The following EXOC4 variants were observed in gnomAD, a reference collection of about 807,000 sequenced individuals.
The protein encoded by EXOC4 is exocyst complex component 4.
EXOC4 carries 71 observed loss-of-function variants against 107.2 expected under a neutral mutation model. The ratio of observed to expected loss-of-function variants is 0.66; its 90% confidence interval spans 0.55 to 0.81. The LOEUF is 0.81. Ranked by LOEUF, EXOC4 falls within the 30% of genes least tolerant of loss-of-function variation. The pLI is 0.00. For synonymous variants in EXOC4, 456 were observed against 441.2 expected (o/e 1.03, Z -0.42); for missense variants, 1,108 against 1,189.6 (o/e 0.93, Z 1.01).
At chr7:133,720,370 C>T (rs1795082463) in intron 10 of EXOC4, among the ~76,000 whole-genome samples, 1 of 152,092 alleles carries the variant, frequency 6.6e-6, no homozygotes, top group Admixed American at 6.6e-5. Context: ...AATCAAGAGA[C>T]TTATTTAATG....
chr7:134,069,216 T>TCTTCTC (rs1279275267), downstream of EXOC4, among the ~76,000 whole-genome samples: 11 of 148,658 alleles, frequency 7.4e-5, no homozygotes, highest in South Asian at 1.7e-3. Context: ...TTCTTCTTCT[T>TCTTCTC]CTTCTCCTTC....
At chr7:133,343,742 A>C (rs1328939443) in intron 5 of EXOC4, among the ~76,000 whole-genome samples, 2 of 149,626 alleles carry the variant, frequency 1.3e-5, no homozygotes, top group Non-Finnish European at 1.5e-5. Flanking sequence ...TTTATTCTCT[A>C]TTTTGGTGTC....
chr7:133,480,042 C>A lies in EXOC4; in HGVS notation c.1329-8C>A. ...CTGCTTGTCTGTTTCCCCTGTGTTTCTCTGCAGGTTCGAATCGTCCTCCCA... is the reference window on the plus strand; with the variant it reads ...CTGCTTGTCTGTTTCCCCTGTGTTTATCTGCAGGTTCGAATCGTCCTCCCA... On this transcript the variant is annotated splice_region_variant and splice_polypyrimidine_tract_variant and intron_variant, in intron 8 of 17. Coordinates refer to ENST00000253861, the MANE Select transcript of EXOC4 (RefSeq NM_021807.4). 2 of 1,612,928 alleles carry A rather than the reference C, an allele frequency of 1.2e-6. No individual in the cohort carries two copies. Among genetic ancestry groups the A allele is most frequent in the South Asian group, 1.1e-5 (1 of 91,046 alleles).
intron 10 of EXOC4, among the ~76,000 whole-genome samples, chr7:133,691,778 A>G (rs570703400): frequency 6.6e-6 from 1 of 152,308 alleles, no homozygotes; most frequent in Non-Finnish European, 1.5e-5. Flanking sequence ...TCCTGGGGAG[A>G]TGTATTCAAG....
chr7:134,049,513 G>A (rs1453302921), intron 17 of EXOC4, among the ~76,000 whole-genome samples: 9 of 152,104 alleles, frequency 5.9e-5, no homozygotes, highest in Non-Finnish European at 1.0e-4. Flanking sequence ...TCCTTTGCTC[G>A]TGGAGGACTT....
intron 2 of EXOC4, among the ~76,000 whole-genome samples, chr7:133,276,420 A>G (rs908345369): frequency 2.6e-4 from 39 of 152,284 alleles, no homozygotes; most frequent in African/African-American, 9.4e-4. Flanking sequence ...TTGAACACTG[A>G]TTCTTTGCAA....
chr7:133,826,543 C>T (rs956568943), intron 11 of EXOC4, among the ~76,000 whole-genome samples: 8 of 152,080 alleles, frequency 5.3e-5, no homozygotes, highest in Non-Finnish European at 8.8e-5. Flanking sequence ...ATGAGAAGTA[C>T]TATGGTATCA....
At chr7:133,918,444 T>G (rs1441507082) in intron 13 of EXOC4, among the ~76,000 whole-genome samples, 1 of 152,234 alleles carries the variant, frequency 6.6e-6, no homozygotes, top group African/African-American at 2.4e-5. Flanking sequence ...TTTCTGTCCA[T>G]ACAGAATATG....
intron 5 of EXOC4, among the ~76,000 whole-genome samples, chr7:133,339,125 G>A (rs1795599913): frequency 6.6e-6 from 1 of 152,078 alleles, no homozygotes; most frequent in African/African-American, 2.4e-5. Flanking sequence ...ATGATGTTTG[G>A]TTTTCCATTC....
intron 17 of EXOC4, chr7:134,010,196 C>T (rs1316210855): frequency 6.6e-6 from 1 of 152,144 alleles, no homozygotes; most frequent in Admixed American, 6.6e-5. Flanking sequence ...CTCAGTGCCT[C>T]TACCAAAGTA....
chr7:133,596,973 A>G (rs1016265043), intron 9 of EXOC4, among the ~76,000 whole-genome samples: 2 of 152,182 alleles, frequency 1.3e-5, no homozygotes, highest in African/African-American at 4.8e-5. Flanking sequence ...TAGAGGAAGC[A>G]ATCAGGGAGG....
intron 9 of EXOC4, among the ~76,000 whole-genome samples, chr7:133,546,572 A>T (rs1362737004): frequency 6.6e-6 from 1 of 152,126 alleles, no homozygotes; most frequent in East Asian, 1.9e-4. Flanking sequence ...GGAAAACTTG[A>T]AGAGTTTTGA....
chr7:133,412,278 G>GTTTTT (rs35334259), intron 7 of EXOC4, among the ~76,000 whole-genome samples: 12,749 of 71,382 alleles, frequency 0.18, 3,695 homozygotes, highest in East Asian at 0.46. Context: ...TCAGAATTCA[G>GTTTTT]TTTTTTTTTT....
Position 133,867,555 on chromosome 7 carries a change from G to A in EXOC4, c.1735-28044G>A, listed in dbSNP as rs537402360. 1.8e-4 allele frequency among the ~76,000 whole-genome samples: 28 copies of A among 152,286 alleles called. No individual in the cohort carries two copies. The South Asian group carries it at 3.9e-3, about 21-fold the overall frequency. On this transcript the variant is annotated intron_variant, in intron 11 of 17. Coordinates refer to ENST00000253861, the MANE Select transcript of EXOC4 (RefSeq NM_021807.4). ...TTTCCTGGGGAACCATTCTTTTCAA[G>A]TGAGGGCAGAGAAGGAGAAAAATAC... is the stretch of plus-strand genomic sequence containing the variant.
intron 17 of EXOC4, among the ~76,000 whole-genome samples, chr7:134,048,080 C>G (rs1166097189): frequency 6.6e-6 from 1 of 152,186 alleles, no homozygotes; most frequent in East Asian, 1.9e-4. Flanking sequence ...TTCTCTTGCA[C>G]TGAGACATTT....
At chr7:133,500,312 C>G (rs1220136310) in intron 9 of EXOC4, among the ~76,000 whole-genome samples, 2 of 152,256 alleles carry the variant, frequency 1.3e-5, no homozygotes, top group East Asian at 3.9e-4. Context: ...CAATTTCAAG[C>G]CCTTGGTCAC....
intron 9 of EXOC4, among the ~76,000 whole-genome samples, chr7:133,597,393 A>G (rs1286906181): frequency 6.6e-6 from 1 of 152,050 alleles, no homozygotes; most frequent in Non-Finnish European, 1.5e-5. Flanking sequence ...CGTCTCTACT[A>G]AAAATACAAA....
chr7:133,796,937 G>A (rs1796829537), intron 10 of EXOC4, among the ~76,000 whole-genome samples: 1 of 152,116 alleles, frequency 6.6e-6, no homozygotes. Flanking sequence ...TCCCAAATAG[G>A]AAGTAATTGG....
At chr7:133,581,496 C>A (rs1178125245) in intron 9 of EXOC4, among the ~76,000 whole-genome samples, 2 of 151,994 alleles carry the variant, frequency 1.3e-5, no homozygotes, top group Non-Finnish European at 2.9e-5. Flanking sequence ...CGGTGGCTCA[C>A]GCCTGTAATC....
Sources: allele counts gnomAD v4.1 joint callset (sites outside exome capture counted in the v4.1 genomes callset), GRCh38; gene constraint gnomAD v4.1.1; transcripts MANE v1.5; gene names NCBI Gene and HGNC (gene_info 2026-07-23, HGNC 2026-07-21).